Variants in MYO3B observed in about 807,000 individuals in gnomAD.
MYO3B encodes the protein myosin-IIIb.
MYO3B carries 156 observed loss-of-function variants against 174.6 expected under a neutral mutation model. The ratio of observed to expected loss-of-function variants is 0.89; its 90% CI spans 0.78 to 1.02. The LOEUF is 1.02. Among genes scored for constraint, MYO3B ranks in the 50% least tolerant of loss-of-function variants. The pLI is 0.00. For missense variants in MYO3B, 1,632 were observed against 1,639.4 expected, an observed-to-expected ratio of 1.00 and a Z score of 0.08; for synonymous variants, 563 against 569.1, an observed-to-expected ratio of 0.99 and a Z score of 0.15.
chr2:170,566,065 A>G (rs1219767507), intron 32 of MYO3B, among the ~76,000 whole-genome samples: 1 of 152,186 alleles, frequency 6.6e-6, no homozygotes, highest in Non-Finnish European at 1.5e-5. Context: ...AACTTGAAAT[A>G]TTAGTCTTCA....
At chr2:170,643,366 G>A (rs1698127655) in intron 32 of MYO3B, among the ~76,000 whole-genome samples, 1 of 152,180 alleles carries the variant, frequency 6.6e-6, no homozygotes, top group African/African-American at 2.4e-5. Flanking sequence ...AGTATCCACT[G>A]GAGTACCATG....
chr2:170,450,538 G>GCT (rs1260993112), intron 23 of MYO3B, among the ~76,000 whole-genome samples: 1 of 151,758 alleles, frequency 6.6e-6, no homozygotes, highest in Admixed American at 6.6e-5. Flanking sequence ...CATGAGGCCA[G>GCT]CTGAATCTGT....
intron 7 of MYO3B, among the ~76,000 whole-genome samples, chr2:170,302,094 T>G (rs2093669709): frequency 1.3e-5 from 2 of 152,012 alleles, no homozygotes; most frequent in Non-Finnish European, 2.9e-5. Flanking sequence ...GATACATCCT[T>G]TAGCAGCTCT....
chr2:170,547,329 C>CAAA (rs549507676), intron 32 of MYO3B, among the ~76,000 whole-genome samples: 9 of 99,884 alleles, frequency 9.0e-5, no homozygotes, highest in Non-Finnish European at 2.1e-5. Flanking sequence ...GACTCTGTCT[C>CAAA]AAAAAAAAAA....
chr2:170,606,750 G>C (rs1489848393), intron 32 of MYO3B, among the ~76,000 whole-genome samples: 1 of 152,190 alleles, frequency 6.6e-6, no homozygotes, highest in Non-Finnish European at 1.5e-5. Context: ...GCCGGGCACG[G>C]TGGCTCACAC....
At chr2:170,503,459 CTTTTT>C (rs10650053) in intron 28 of MYO3B, among the ~76,000 whole-genome samples, 1 of 97,610 alleles carries the variant, frequency 1.0e-5, no homozygotes, top group African/African-American at 3.7e-5. Flanking sequence ...GGGTGTCTCC[CTTTTT>C]TTTTTTTTTT....
At chr2:170,230,398 G>A (rs1482218045) in intron 6 of MYO3B, among the ~76,000 whole-genome samples, 1 of 130,952 alleles carries the variant, frequency 7.6e-6, no homozygotes, top group Admixed American at 9.2e-5. Context: ...GGTCAGGCTG[G>A]TCTCTAACTC....
intron 7 of MYO3B, among the ~76,000 whole-genome samples, chr2:170,315,688 A>G (rs192252958): frequency 6.6e-6 from 1 of 152,242 alleles, no homozygotes; most frequent in Admixed American, 6.5e-5. Flanking sequence ...AATGTTTTAC[A>G]TGAATCATTT....
chr2:170,490,805 A>G (rs1404407764), intron 25 of MYO3B, among the ~76,000 whole-genome samples: 1 of 152,108 alleles, frequency 6.6e-6, no homozygotes, highest in Non-Finnish European at 1.5e-5. Flanking sequence ...TTCATTTATT[A>G]GGATCATATG....
intron 32 of MYO3B, among the ~76,000 whole-genome samples, chr2:170,629,019 A>T (rs1264617771): frequency 6.6e-6 from 1 of 152,136 alleles, no homozygotes; most frequent in Non-Finnish European, 1.5e-5. Flanking sequence ...AGTGAGCCCA[A>T]CCGAAGAACG....
At chr2:170,314,886 C>G (rs546561652) in intron 7 of MYO3B, among the ~76,000 whole-genome samples, 26 of 152,308 alleles carry the variant, frequency 1.7e-4, no homozygotes, top group African/African-American at 6.0e-4. Context: ...GTATTTCTTA[C>G]TCAGCATTAC....
intron 25 of MYO3B, among the ~76,000 whole-genome samples, chr2:170,470,102 CAAAAAAAAAAAAAAA>C (rs34472083): frequency 2.2e-5 from 1 of 46,366 alleles, no homozygotes; most frequent in African/African-American, 8.1e-5. Context: ...AACTCCGTCT[CAAAAAAAAAAAAAAA>C]AAAAAAAAAA....
At chr2:170,229,606 GA>G (rs2092992516) in intron 6 of MYO3B, among the ~76,000 whole-genome samples, 1 of 152,144 alleles carries the variant, frequency 6.6e-6, no homozygotes, top group South Asian at 2.1e-4. Context: ...CTATTTGCTT[GA>G]AAACATTGCT....
intron 32 of MYO3B, among the ~76,000 whole-genome samples, chr2:170,565,132 A>T (rs1035262316): frequency 2.0e-5 from 3 of 152,012 alleles, no homozygotes; most frequent in East Asian, 1.9e-4. Flanking sequence ...TGAGAAATAA[A>T]TTTTTTTTGC....
intron 7 of MYO3B, among the ~76,000 whole-genome samples, chr2:170,333,476 G>A (rs1479414247): frequency 6.6e-6 from 1 of 152,170 alleles, no homozygotes; most frequent in African/African-American, 2.4e-5. Context: ...TATAAGATAT[G>A]AAGGGTAACT....
At position 170,400,654 on chromosome 2, in the gene MYO3B, C is replaced by CA. The variant is rs778697292; in HGVS notation, c.1918+340_1918+341insA. Among the ~76,000 whole-genome samples, 646 of 141,678 alleles carry CA rather than the reference C, an allele frequency of 4.6e-3. 7 individuals carry two copies. The highest frequency in any genetic ancestry group is 0.017 in the African/African-American group (629 of 37,486). 92.9% of individuals were successfully genotyped at this position (141,678 alleles called of 152,430 possible). On this transcript the variant is annotated intron_variant, in intron 17 of 34. Transcript: ENST00000408978. ...TCCTGACCTCATGATCCACCCCCCC[C>CA]CCCTCGGCCTCCCAAAGTGTTGGGA...
intron 32 of MYO3B, among the ~76,000 whole-genome samples, chr2:170,615,930 C>T (rs1313306460): frequency 1.3e-5 from 2 of 151,800 alleles, no homozygotes; most frequent in African/African-American, 4.8e-5. Context: ...GTAATTCTTT[C>T]ACATAACATT....
chr2:170,421,785 G>A lies in MYO3B; in HGVS notation c.2650+13941G>A, dbSNP rs559807659. ...CTTATTGAGGGGAAAATACGTGTAT[G>A]ATGTGGCTGTGGGGTGAAAAGAGCA... is the stretch of plus-strand genomic sequence containing the variant. On this transcript the variant is annotated intron_variant, in intron 22 of 34. Coordinates refer to ENST00000408978, the MANE Select transcript of MYO3B (RefSeq NM_138995.5). Among the ~76,000 whole-genome samples, 3 of 152,328 alleles carry A rather than the reference G, an allele frequency of 2.0e-5. No individual in the cohort carries two copies. The East Asian group carries it at 5.8e-4, about 29-fold the overall frequency.
In MYO3B at chr2:170,369,292, G is replaced by A. The variant is rs751559561; in HGVS notation, c.886G>A (p.Val296Ile). 3.7e-6 allele frequency: 6 copies of A among 1,613,858 alleles called. No individual in the cohort carries two copies. The highest frequency in any genetic ancestry group is 4.2e-6 in the Non-Finnish European group (5 of 1,179,814). ...HLLDHPFIKG[V>I]HGKVLFLQKQ... ...CCTTGACCACCCATTTATTAAAGGA[G>A]TACATGGAAAAGTTCTGTTTCTGCA... The change falls in exon 9 of 35, where the codon GTA (valine) becomes ATA (isoleucine). Residue 296 changes from valine to isoleucine, a missense_variant. Coordinates refer to ENST00000408978, the MANE Select transcript of MYO3B (RefSeq NM_138995.5).
Sources: allele counts gnomAD v4.1 joint callset (sites outside exome capture counted in the v4.1 genomes callset), GRCh38; gene constraint gnomAD v4.1.1; transcripts MANE v1.5; gene names NCBI Gene and HGNC (gene_info 2026-07-23, HGNC 2026-07-21).